Variants in SUFU observed in about 807,000 individuals in gnomAD.
SUFU encodes the protein suppressor of fused homolog.
SUFU carries 7 observed loss-of-function variants against 58.9 expected under a neutral mutation model. That is an observed-to-expected ratio of 0.12 (90% confidence interval 0.07 to 0.22). SUFU has a LOEUF of 0.22. Among genes scored for constraint, SUFU ranks in the 10% least tolerant of loss-of-function variants. The pLI is 1.00. For synonymous variants in SUFU, 232 were observed against 254.8 expected, an observed-to-expected ratio of 0.91 and a Z score of 0.85; for missense variants, 451 against 641.3, an observed-to-expected ratio of 0.70 and a Z score of 3.20.
Position 102,631,645 on chromosome 10 carries a change from A to C in SUFU, c.*1490A>C. 4.3e-6 allele frequency: 1 copy of C among 233,494 alleles called. No individual in the cohort carries two copies. The highest frequency in any genetic ancestry group is 8.5e-6 in the Non-Finnish European group (1 of 118,226). 14.5% of individuals were successfully genotyped at this position (233,494 alleles called of 1,614,324 possible). On this transcript the variant is annotated 3_prime_UTR_variant, in exon 12 of 12. Coordinates refer to ENST00000369902, the MANE Select transcript of SUFU (RefSeq NM_016169.4). ...CAGGCACCAGCAGGGATGCCACAGG[A>C]GTGCCCACAGGGTGCAGGACTCCAC...
chr10:102,541,329 A>G (rs1282969719), intron 2 of SUFU, among the ~76,000 whole-genome samples: 5 of 151,958 alleles, frequency 3.3e-5, no homozygotes, highest in Non-Finnish European at 7.4e-5. Context: ...TTTTTGGTTT[A>G]TCCTTCCCAC....
Position 102,504,331 on chromosome 10 carries a change from A to G in SUFU, c.179A>G (p.Tyr60Cys). ...CTCCAGGTTACCGCTATCGTCAAGT[A>G]CTGGTATGCTCTGGGCCGCGGGGAG... is the stretch of plus-strand genomic sequence containing the variant. ...NPLQVTAIVKYWLGGPDPLDY... is the reference protein window; with the variant it reads ...NPLQVTAIVKCWLGGPDPLDY... The change falls in exon 1 of 12, where the codon TAC becomes TGC. Residue 60 changes from tyrosine to cysteine, a missense_variant. Physicochemically the swap from Tyr to Cys is radical, Grantham distance 194. Coordinates refer to ENST00000369902, the MANE Select transcript of SUFU (RefSeq NM_016169.4). 6.2e-7 allele frequency: 1 copy of G among 1,614,028 alleles called. No homozygotes were observed. The highest frequency in any genetic ancestry group is 2.2e-5 in the East Asian group (1 of 44,856).
At chr10:102,603,293 C>T (rs1431793992) in intron 8 of SUFU, among the ~76,000 whole-genome samples, 4 of 152,174 alleles carry the variant, frequency 2.6e-5, no homozygotes, top group Non-Finnish European at 5.9e-5. Context: ...TCCCAAAATG[C>T]TGGGACTACA....
In SUFU at chr10:102,578,251, CAAAAAA is replaced by C. The variant is rs905189998; in HGVS notation, c.455-14325_455-14320del. ...TGGGCGACAAAGCGAGACTCCGTCT[CAAAAAA>C]AAAAACAAAAACAAAAAACAAAGAA... On this transcript the variant is annotated intron_variant, in intron 3 of 11. Transcript: ENST00000369902. Among the ~76,000 whole-genome samples, 36 of 139,994 alleles carry C rather than the reference CAAAAAA, an allele frequency of 2.6e-4. No individual in the cohort carries two copies. The East Asian group carries it at 4.3e-3, about 17-fold the overall frequency. 91.8% of individuals were successfully genotyped at this position (139,994 alleles called of 152,430 possible).
intron 9 of SUFU, 96 bp downstream of exon 9, chr10:102,615,498 G>C: frequency 6.3e-7 from 1 of 1,592,210 alleles, no homozygotes; most frequent in Non-Finnish European, 8.6e-7. Flanking sequence ...TCCCCCAGCA[G>C]GCGTCCTCCA....
In SUFU at chr10:102,617,250, C is replaced by T; in HGVS notation, c.1158-40C>T. 2.5e-6 allele frequency: 4 copies of T among 1,614,032 alleles called. No homozygotes were observed. Among genetic ancestry groups the T allele is most frequent in the Non-Finnish European group, 3.4e-6 (4 of 1,180,020 alleles). ...GGCCTGCTGTGCTTGGAACTGTTTC[C>T]AAGCCCAGCTCCTCACTGTCTCCAT... On this transcript the variant is annotated intron_variant, in intron 9 of 11. Transcript: ENST00000369902. This position sits in a 1 kb window ranked among gnomAD's most constrained non-coding sequence, Gnocchi z 4.4.
chr10:102,615,519 G>A lies in SUFU; in HGVS notation c.1157+117G>A, dbSNP rs1368680738. 9 of 1,478,442 alleles carry A rather than the reference G, an allele frequency of 6.1e-6. No homozygotes were observed. In the East Asian group the frequency reaches 2.0e-4, roughly 34 times the overall value. The allele number at this position is 1,478,442 out of a possible 1,614,324, so 91.6% of individuals were successfully genotyped here. On this transcript the variant is annotated intron_variant, in intron 9 of 11. Transcript: ENST00000369902. ...AGCAGGCGTCCTCCAGGGCCTCCAA[G>A]GAGCCACCAGGCCCGTGCTTCCCGT...
chr10:102,521,418 C>T (rs1018625082), intron 2 of SUFU, among the ~76,000 whole-genome samples: 3 of 152,162 alleles, frequency 2.0e-5, no homozygotes, highest in Non-Finnish European at 4.4e-5. Flanking sequence ...CTTCTCAAGC[C>T]GTTAAATGAG....
rs564538964 is a variant in SUFU at position 102,623,227 on chromosome 10, A to G, written c.1297-3948A>G. Among the ~76,000 whole-genome samples, 10 of 152,326 alleles carry G rather than the reference A, an allele frequency of 6.6e-5. No homozygotes were observed. The South Asian group carries it at 2.1e-3, about 32-fold the overall frequency. ...CTGGCTCTTGGTAAGTGCAAATATC[A>G]GTGAGTGCTGTTATCAATATTATTT... On this transcript the variant is annotated intron_variant, in intron 10 of 11. Transcript: ENST00000369902.
At chr10:102,611,729 C>A (rs1202640225) in intron 8 of SUFU, among the ~76,000 whole-genome samples, 1 of 152,232 alleles carries the variant, frequency 6.6e-6, no homozygotes, top group East Asian at 1.9e-4. Flanking sequence ...CCCATTTAGT[C>A]ATAATGACCT....
intron 2 of SUFU, among the ~76,000 whole-genome samples, chr10:102,537,425 C>G (rs780690310): frequency 1.1e-4 from 17 of 152,210 alleles, no homozygotes; most frequent in Non-Finnish European, 1.8e-4. Context: ...TCCACTGCAC[C>G]CAGCCCAAAA....
At chr10:102,573,597 A>G (rs2135809446) in intron 3 of SUFU, among the ~76,000 whole-genome samples, 1 of 152,372 alleles carries the variant, frequency 6.6e-6, no homozygotes. Context: ...TGAATGGGTA[A>G]ACAAAGTATG....
At position 102,619,092 on chromosome 10, in the gene SUFU, C is replaced by A; in HGVS notation, c.1296+1664C>A. On this transcript the variant is annotated intron_variant, in intron 10 of 11. Transcript: ENST00000369902. The surrounding 1 kb of genome is among the most constrained non-coding windows in gnomAD (Gnocchi z 4.2). ...TCTGAACCTATCCTCGGAGCTCTGCCCTCCCGTCCTGGAACGTCTTTCTGC... is the reference window on the plus strand; with the variant it reads ...TCTGAACCTATCCTCGGAGCTCTGCACTCCCGTCCTGGAACGTCTTTCTGC... The A allele has an allele frequency of 6.2e-7, 1 of 1,612,770 alleles. No individual in the cohort carries two copies. Among genetic ancestry groups the A allele is most frequent in the Non-Finnish European group, 8.5e-7 (1 of 1,179,868 alleles).
rs143635213 is a variant in SUFU at position 102,598,013 on chromosome 10, A to G, written c.910+720A>G. ...GCTTCTTTGTCTACTTCCTTTCTTC[A>G]TTCTTCCATCTTTTCTTTTTTTGAA... On this transcript the variant is annotated intron_variant, in intron 7 of 11. Transcript: ENST00000369902. 2.4e-4 allele frequency among the ~76,000 whole-genome samples: 37 copies of G among 152,328 alleles called. 2 individuals carry two copies. In the East Asian group the frequency reaches 7.1e-3, roughly 29 times the overall value.
intron 2 of SUFU, among the ~76,000 whole-genome samples, chr10:102,513,155 A>G (rs568569429): frequency 6.6e-6 from 1 of 152,244 alleles, no homozygotes; most frequent in East Asian, 1.9e-4. Flanking sequence ...TTTCTTTTTG[A>G]TCCTGTTAAG....
At chr10:102,604,093 C>G (rs1006646922) in intron 8 of SUFU, among the ~76,000 whole-genome samples, 6 of 152,218 alleles carry the variant, frequency 3.9e-5, no homozygotes, top group African/African-American at 1.4e-4. Flanking sequence ...GCCTGGAGCC[C>G]TCTCTGTCAC....
intron 2 of SUFU, among the ~76,000 whole-genome samples, chr10:102,515,313 A>G (rs2062453966): frequency 6.8e-6 from 1 of 147,662 alleles, no homozygotes; most frequent in Admixed American, 6.8e-5. Flanking sequence ...AGTTTGCCGG[A>G]ACTTTTTTTT....
At chr10:102,506,836 C>A (rs1158973453) in intron 1 of SUFU, among the ~76,000 whole-genome samples, 1 of 152,176 alleles carries the variant, frequency 6.6e-6, no homozygotes, top group Non-Finnish European at 1.5e-5. Context: ...GCTTGGGATT[C>A]ATTTTGCAAT....
intron 8 of SUFU, among the ~76,000 whole-genome samples, chr10:102,613,764 G>A (rs1016240465): frequency 6.6e-6 from 1 of 152,246 alleles, no homozygotes; most frequent in South Asian, 2.1e-4. Context: ...TTGAGAGGTT[G>A]TCAGTGGGGG....
Sources: allele counts gnomAD v4.1 joint callset (sites outside exome capture counted in the v4.1 genomes callset), GRCh38; gene constraint gnomAD v4.1.1; non-coding constraint Gnocchi (gnomAD v3.1); transcripts MANE v1.5; gene names NCBI Gene and HGNC (gene_info 2026-07-23, HGNC 2026-07-21).